The following NLRP13 variants were observed in gnomAD, a reference collection of about 807,000 sequenced individuals.
The protein encoded by NLRP13 is NACHT, LRR and PYD domains-containing protein 13.
NLRP13 carries 82 observed loss-of-function variants against 94.4 expected under a neutral mutation model. The observed-to-expected ratio is 0.87, with a 90% CI of 0.73 to 1.04. NLRP13 has a LOEUF of 1.04. NLRP13 is among the 50% of genes least tolerant of loss of function. The probability of loss-of-function intolerance (pLI) is 0.00; values close to 1 mark genes in which losing one functional copy is unlikely to be tolerated. For missense variants in NLRP13, 1,426 were observed against 1,230.8 expected (o/e 1.16, Z -2.37); for synonymous variants, 553 against 464.7 (o/e 1.19, Z -2.45).
chr19:55,895,901 G>C, downstream of NLRP13: 1 of 1,592,902 alleles, frequency 6.3e-7, no homozygotes, highest in Non-Finnish European at 8.6e-7. Flanking sequence ...AGTCAATCTA[G>C]CCTTGTCCCT....
chr19:55,919,037 T>G (rs964269826), intron 4 of NLRP13, among the ~76,000 whole-genome samples: 7 of 152,058 alleles, frequency 4.6e-5, no homozygotes, highest in African/African-American at 1.7e-4. Context: ...CCAAGTGGGT[T>G]TTAACCCAGG....
In NLRP13 at chr19:55,923,950, G is replaced by T; in HGVS notation, c.487C>A (p.Pro163Thr). 1.9e-6 allele frequency: 3 copies of T among 1,613,770 alleles called. No individual in the cohort carries two copies. The highest frequency in any genetic ancestry group is 1.6e-4 in the Middle Eastern group (1 of 6,062). The change falls in exon 4 of 11, where the codon CCA becomes ACA. Residue 163 changes from proline to threonine, a missense_variant. Pro to Thr is a conservative substitution (Grantham distance 38). Transcript: ENST00000342929. ...AGCATCTCTGGTTCTTCTTGGTTTG[G>T]ATCTTGGCATCCCTGGGCCTGTACA... ...GNVQAQGCQD[P>T]NQEEPEMLEE...
downstream of NLRP13, among the ~76,000 whole-genome samples, chr19:55,895,682 CAAA>C (rs966452009): frequency 1.3e-5 from 2 of 152,036 alleles, no homozygotes; most frequent in Non-Finnish European, 2.9e-5. Context: ...GACACTGTCT[CAAA>C]AAAGGTGAAA....
intron 4 of NLRP13, among the ~76,000 whole-genome samples, chr19:55,919,619 T>TA (rs201945523): frequency 1.3e-3 from 192 of 150,086 alleles, no homozygotes; most frequent in East Asian, 8.0e-3. Flanking sequence ...TACAATAGCT[T>TA]AAAAAAAAAC....
rs779166489 is a variant in NLRP13 at position 55,912,497 on chromosome 19, C to CA, written c.1319dup (p.Arg441GlufsTer34). The CA allele has an allele frequency of 1.0e-3, 1,660 of 1,614,196 alleles. 2 individuals carry two copies. The highest frequency in any genetic ancestry group is 8.1e-4 in the Non-Finnish European group (957 of 1,180,026). On this transcript the variant is annotated frameshift_variant, in exon 5 of 11. Coordinates refer to ENST00000342929, the MANE Select transcript of NLRP13 (RefSeq NM_176810.2). LOFTEE classifies it high-confidence loss of function. Reference sequence around the variant, plus strand: ...TGATTGACTGGAGATCGTAATACCTCACCTTCGGCTGCTTCAGACAGGAAC... The same window carrying CA: ...TGATTGACTGGAGATCGTAATACCTCAACCTTCGGCTGCTTCAGACAGGAAC...
At chr19:55,894,988 A>G (rs1264084983), downstream of NLRP13, among the ~76,000 whole-genome samples, 1 of 152,206 alleles carries the variant, frequency 6.6e-6, no homozygotes, top group African/African-American at 2.4e-5. Flanking sequence ...TTTTGCCACT[A>G]AAAGTGACAG....
At chr19:55,928,331 G>A (rs942168628) in intron 1 of NLRP13, among the ~76,000 whole-genome samples, 5 of 152,214 alleles carry the variant, frequency 3.3e-5, no homozygotes, top group East Asian at 1.9e-4. Flanking sequence ...TGGTTATGAC[G>A]CATCACTTGC....
intron 8 of NLRP13, among the ~76,000 whole-genome samples, chr19:55,902,563 A>G (rs1212934073): frequency 6.6e-6 from 1 of 151,988 alleles, no homozygotes; most frequent in Non-Finnish European, 1.5e-5. Flanking sequence ...AAGCTCCCGC[A>G]CTCCTTTCAG....
At chr19:55,918,761 G>A (rs924275247) in intron 4 of NLRP13, among the ~76,000 whole-genome samples, 1 of 152,070 alleles carries the variant, frequency 6.6e-6, no homozygotes, top group African/African-American at 2.4e-5. Flanking sequence ...CCCAGTACCA[G>A]ATGTATTTCA....
chr19:55,898,243 CTT>C (rs1986069965), intron 10 of NLRP13, among the ~76,000 whole-genome samples: 3 of 128,132 alleles, frequency 2.3e-5, no homozygotes, highest in Non-Finnish European at 4.7e-5. Context: ...GAGTTTCGCT[CTT>C]GTCTCCCAGG....
At chr19:55,917,377 T>A (rs574994296) in intron 4 of NLRP13, among the ~76,000 whole-genome samples, 120 of 151,930 alleles carry the variant, frequency 7.9e-4, no homozygotes, top group African/African-American at 2.8e-3. Flanking sequence ...AACAAAAAAA[T>A]CTGCAAAGCA....
At position 55,911,889 on chromosome 19, in the gene NLRP13, T is replaced by G. The variant is rs61746956; in HGVS notation, c.1928A>C (p.His643Pro). Residue 643 changes from histidine (H) to proline (P), a missense_variant, in exon 5 of 11, where the codon CAC (histidine) becomes CCC (proline). Physicochemically the swap from His to Pro is moderately conservative, Grantham distance 77. Transcript: ENST00000342929. ...FHILRLFHCL[H>P]ESQEEDFTKK... ...TGTGAAGTCTTCCTCCTGGGACTCG[T>G]GTAGGCAGTGAAAAAGTCGTAGAAT... The G allele has an allele frequency of 1.2e-6, 2 of 1,614,182 alleles. No homozygotes were observed. Among genetic ancestry groups the G allele is most frequent in the Non-Finnish European group, 1.7e-6 (2 of 1,180,000 alleles).
chr19:55,913,890 C>G (rs968554960), intron 4 of NLRP13, among the ~76,000 whole-genome samples: 2 of 152,130 alleles, frequency 1.3e-5, no homozygotes, highest in Admixed American at 6.5e-5. Flanking sequence ...TAGAGGGGGC[C>G]CATGAGCCCT....
In NLRP13 at chr19:55,924,957, G is replaced by A. The variant is rs1187554500; in HGVS notation, c.388+10C>T. The stretch of plus-strand genomic sequence containing the variant: ...ACCTGTCCATTATCAACTTAAAGTA[G>A]TGTACACACCTGCTGCTGCTTCTAG... On this transcript the variant is annotated intron_variant, in intron 2 of 10. Coordinates refer to ENST00000342929, the MANE Select transcript of NLRP13 (RefSeq NM_176810.2). 8.1e-6 allele frequency: 13 copies of A among 1,612,130 alleles called. No individual in the cohort carries two copies. Among genetic ancestry groups the A allele is most frequent in the South Asian group, 1.1e-5 (1 of 91,038 alleles).
At position 55,924,588 on chromosome 19, in the gene NLRP13, A is replaced by T. The variant is rs1986922201; in HGVS notation, c.457+2T>A. ...CAATTATCAACCAAGTAATGTACACACCTGTTTCTTCTTCTAGCTCGTCTA... is the reference window on the plus strand; with the variant it reads ...CAATTATCAACCAAGTAATGTACACTCCTGTTTCTTCTTCTAGCTCGTCTA... On this transcript the variant is annotated splice_donor_variant, in intron 3 of 10. Coordinates refer to ENST00000342929, the MANE Select transcript of NLRP13 (RefSeq NM_176810.2). LOFTEE classifies it high-confidence loss of function. 4.3e-6 allele frequency: 7 copies of T among 1,610,364 alleles called. No individual in the cohort carries two copies. The highest frequency in any genetic ancestry group is 5.9e-6 in the Non-Finnish European group (7 of 1,176,668).
At position 55,907,860 on chromosome 19, in the gene NLRP13, C is replaced by G. The variant is rs1568691570; in HGVS notation, c.2379G>C (p.Lys793Asn). 3.7e-6 allele frequency: 6 copies of G among 1,613,848 alleles called. No individual in the cohort carries two copies. The South Asian group carries it at 5.5e-5, about 15-fold the overall frequency. Residue 793 changes from lysine to asparagine, a missense_variant, in exon 7 of 11, where the codon AAG becomes AAC. Coordinates refer to ENST00000342929, the MANE Select transcript of NLRP13 (RefSeq NM_176810.2). The part of the protein sequence containing the change: ...KLTHLNFSSN[K>N]LGMTVPLILK... ...GAATCAGGGGGACAGTCATTCCCAG[C>G]TTGTTAGAGCTGAAGTTCAGATGGG...
chr19:55,891,875 C>T, downstream of NLRP13: 1 of 390,566 alleles, frequency 2.6e-6, no homozygotes, highest in Non-Finnish European at 4.5e-6. Flanking sequence ...CGTGACAAAG[C>T]CTCCTGCAGG....
rs150611978 is a variant in NLRP13, at chr19:55,923,977, T to G, written c.460A>C (p.Asn154His). The stretch of plus-strand genomic sequence containing the variant: ...TCTTGGCATCCCTGGGCCTGTACAT[T>G]CCCTGAAATAAACAGTGATGATGAG... Reference protein sequence around the residue: ...ELDELEEETGNVQAQGCQDPN... With the variant: ...ELDELEEETGHVQAQGCQDPN... Residue 154 changes from asparagine (N) to histidine (H), a missense_variant and splice_region_variant, in exon 4 of 11, where the codon AAT (asparagine) becomes CAT (histidine). Asn to His is a moderately conservative substitution (Grantham distance 68). Coordinates refer to ENST00000342929, the MANE Select transcript of NLRP13 (RefSeq NM_176810.2). The G allele has an allele frequency of 5.6e-5, 90 of 1,613,028 alleles. No homozygotes were observed. Among genetic ancestry groups the G allele is most frequent in the Middle Eastern group, 1.6e-4 (1 of 6,082 alleles).
At chr19:55,920,679 T>C (rs1208477969) in intron 4 of NLRP13, among the ~76,000 whole-genome samples, 2 of 152,132 alleles carry the variant, frequency 1.3e-5, no homozygotes, top group Non-Finnish European at 2.9e-5. Flanking sequence ...GTACAATATC[T>C]ATGAAAATAT....
Sources: allele counts gnomAD v4.1 joint callset (sites outside exome capture counted in the v4.1 genomes callset), GRCh38; gene constraint gnomAD v4.1.1; transcripts MANE v1.5; gene names NCBI Gene and HGNC (gene_info 2026-07-23, HGNC 2026-07-21).